CSMD1: variants seen among roughly 807,000 people sequenced by gnomAD.
CSMD1 encodes the protein CUB and Sushi multiple domains 1, also known as CUB and sushi domain-containing protein 1.
In CSMD1, 213 loss-of-function variants were observed where a neutral mutation model predicts 417.5. That is an observed-to-expected ratio of 0.51 (90% CI 0.46 to 0.57). The LOEUF is 0.57. Ranked by LOEUF, CSMD1 falls within the 20% of genes least tolerant of loss-of-function variation. The pLI, the probability that CSMD1 is intolerant of heterozygous loss-of-function variation, is 0.00. For synonymous variants in CSMD1, 2,862 were observed against 1,736.8 expected (o/e 1.65, Z -16.11); for missense variants, 6,923 against 4,529.7 (o/e 1.53, Z -15.17).
intron 27 of CSMD1, among the ~76,000 whole-genome samples, chr8:3,225,004 T>C (rs1798413009): frequency 6.6e-6 from 1 of 152,232 alleles, no homozygotes; most frequent in Admixed American, 6.5e-5. Flanking sequence ...AAATTATATG[T>C]CTTATTTCAT....
chr8:3,476,912 CAAAAAAAAAAAA>C (rs761021655), intron 11 of CSMD1, among the ~76,000 whole-genome samples: 1 of 126,838 alleles, frequency 7.9e-6, no homozygotes, highest in African/African-American at 2.9e-5. Context: ...AACTCCGCCT[CAAAAAAAAAAAA>C]AAAAAAAATG....
intron 3 of CSMD1, among the ~76,000 whole-genome samples, chr8:4,192,598 A>G (rs1273356616): frequency 3.9e-5 from 6 of 152,220 alleles, no homozygotes; most frequent in Admixed American, 1.3e-4. Context: ...GCTTTGCCCT[A>G]TAATGAGAAC....
At chr8:3,300,813 G>T (rs1416695544) in intron 25 of CSMD1, among the ~76,000 whole-genome samples, 1 of 151,234 alleles carries the variant, frequency 6.6e-6, no homozygotes, top group Non-Finnish European at 1.5e-5. Flanking sequence ...AAAAAAATTA[G>T]CTGGGTGTGG....
intron 2 of CSMD1, among the ~76,000 whole-genome samples, chr8:4,594,760 C>T (rs1300364017): frequency 5.3e-5 from 8 of 152,098 alleles, no homozygotes; most frequent in Non-Finnish European, 1.0e-4. Context: ...TCTTTCCTCC[C>T]CAGGCTCTAA....
intron 3 of CSMD1, among the ~76,000 whole-genome samples, chr8:4,317,561 T>C (rs1799005434): frequency 6.6e-6 from 1 of 151,944 alleles, no homozygotes; most frequent in Non-Finnish European, 1.5e-5. Context: ...ATTTAAAGTG[T>C]CCAAGTTAAG....
At chr8:3,660,231 C>G (rs990268148) in intron 7 of CSMD1, among the ~76,000 whole-genome samples, 1 of 152,138 alleles carries the variant, frequency 6.6e-6, no homozygotes, top group Non-Finnish European at 1.5e-5. Flanking sequence ...GAAGCCTCTG[C>G]TATTTACTGT....
At chr8:3,847,143 T>G (rs1381895775) in intron 5 of CSMD1, among the ~76,000 whole-genome samples, 1 of 152,156 alleles carries the variant, frequency 6.6e-6, no homozygotes, top group East Asian at 1.9e-4. Context: ...GGGCAGGACC[T>G]GTGACTGGCT....
At chr8:3,069,280 C>G (rs1342001470) in intron 49 of CSMD1, among the ~76,000 whole-genome samples, 1 of 151,692 alleles carries the variant, frequency 6.6e-6, no homozygotes, top group Non-Finnish European at 1.5e-5. Flanking sequence ...ACTAAAAATA[C>G]AAAAATTAGC....
chr8:3,227,863 G>T (rs1462869849), intron 27 of CSMD1, among the ~76,000 whole-genome samples: 1 of 151,860 alleles, frequency 6.6e-6, no homozygotes, highest in Non-Finnish European at 1.5e-5. Context: ...TAGCTCCTGG[G>T]TTCAAGTGAT....
rs117135754 is a variant in CSMD1, at chr8:3,330,377, A to C, written c.3631+12917T>G. Among the ~76,000 whole-genome samples the C allele has an allele frequency of 1.0e-3, 157 of 152,360 alleles. 2 individuals are homozygous for C. In the East Asian group the frequency reaches 0.029, roughly 28 times the overall value. ...CCATCAGCGAGAGACTGGATAAAGA[A>C]AGTATGGTACATATACACCATGGAA... is the stretch of plus-strand genomic sequence containing the variant. On this transcript the variant is annotated intron_variant, in intron 23 of 69. Transcript: ENST00000635120.
At chr8:4,176,246 T>C (rs566367138) in intron 3 of CSMD1, among the ~76,000 whole-genome samples, 1 of 152,242 alleles carries the variant, frequency 6.6e-6, no homozygotes, top group South Asian at 2.1e-4. Context: ...CGTTCTTATA[T>C]ACATTTGGTA....
chr8:3,258,938 C>T (rs1800856647), intron 26 of CSMD1, among the ~76,000 whole-genome samples: 1 of 152,044 alleles, frequency 6.6e-6, no homozygotes, highest in Non-Finnish European at 1.5e-5. Context: ...CTGCGGTCTC[C>T]CGGATGGTGG....
At chr8:3,899,161 G>C (rs1315097784) in intron 5 of CSMD1, among the ~76,000 whole-genome samples, 1 of 152,200 alleles carries the variant, frequency 6.6e-6, no homozygotes, top group African/African-American at 2.4e-5. Flanking sequence ...TGCCAGTACT[G>C]TCAAAGGTGC....
At chr8:4,928,155 A>G (rs1806996650) in intron 1 of CSMD1, among the ~76,000 whole-genome samples, 1 of 152,082 alleles carries the variant, frequency 6.6e-6, no homozygotes. Flanking sequence ...GGACGCACAC[A>G]TAGACTTTCC....
Position 4,766,840 on chromosome 8 carries a change from G to C in CSMD1, c.86-129282C>G, listed in dbSNP as rs577428479. 1.6e-4 allele frequency among the ~76,000 whole-genome samples: 24 copies of C among 152,178 alleles called. No individual in the cohort carries two copies. In the East Asian group the frequency reaches 3.1e-3, roughly 20 times the overall value. ...CATTATGTTAACCATGATTTCTTATGATTTCTCATATGTATAAATATATAA... is the reference window on the plus strand; with the variant it reads ...CATTATGTTAACCATGATTTCTTATCATTTCTCATATGTATAAATATATAA... On this transcript the variant is annotated intron_variant, in intron 1 of 69. Coordinates refer to ENST00000635120, the MANE Select transcript of CSMD1 (RefSeq NM_033225.6).
intron 6 of CSMD1, among the ~76,000 whole-genome samples, chr8:3,709,686 T>TGC (rs1563296578): frequency 4.2e-4 from 47 of 111,662 alleles, no homozygotes; most frequent in Non-Finnish European, 6.7e-4. Context: ...GCATGTTTTT[T>TGC]TTTTTTTTTT....
intron 10 of CSMD1, among the ~76,000 whole-genome samples, chr8:3,502,817 G>C (rs796475185): frequency 6.6e-6 from 1 of 152,156 alleles, no homozygotes; most frequent in Admixed American, 6.5e-5. Context: ...AATCCACAGA[G>C]TAAATAGCAG....
intron 5 of CSMD1, among the ~76,000 whole-genome samples, chr8:3,920,743 T>C (rs1809187931): frequency 4.1e-5 from 1 of 24,264 alleles, no homozygotes; most frequent in Non-Finnish European, 9.4e-5. Context: ...ATCCTATAAA[T>C]ATCATATTTT....
chr8:4,924,388 T>G (rs1437872553), intron 1 of CSMD1, among the ~76,000 whole-genome samples: 73 of 152,214 alleles, frequency 4.8e-4, no homozygotes. Context: ...AAAAACCATC[T>G]ATATGATATT....
Sources: allele counts gnomAD v4.1 joint callset (sites outside exome capture counted in the v4.1 genomes callset), GRCh38; gene constraint gnomAD v4.1.1; transcripts MANE v1.5; gene names NCBI Gene and HGNC (gene_info 2026-07-23, HGNC 2026-07-21).